The following CNTN5 variants were observed in gnomAD, a reference collection of about 807,000 sequenced individuals.
CNTN5 encodes the protein contactin 5.
In CNTN5, 77 loss-of-function variants were observed where a neutral mutation model predicts 129.1. The ratio of observed to expected loss-of-function variants is 0.60; its 90% CI spans 0.50 to 0.72. The LOEUF is 0.72. CNTN5 is among the 30% of genes least tolerant of loss of function. The pLI is 0.00. For missense variants in CNTN5, 1,478 were observed against 1,328.8 expected (o/e 1.11, Z -1.75); for synonymous variants, 509 against 465.6 (o/e 1.09, Z -1.20).
chr11:99,302,138 CAAAT>C (rs977076897), intron 1 of CNTN5, among the ~76,000 whole-genome samples: 13 of 151,020 alleles, frequency 8.6e-5, no homozygotes, highest in African/African-American at 2.9e-4. Flanking sequence ...TGAAAGATCT[CAAAT>C]AAATAATCTT....
chr11:99,349,399 T>C (rs977452447), intron 2 of CNTN5, among the ~76,000 whole-genome samples: 1 of 152,206 alleles, frequency 6.6e-6, no homozygotes, highest in African/African-American at 2.4e-5. Context: ...AGTGAACTGC[T>C]GTTCAGCTCC....
At chr11:100,276,445 A>G (rs2022985) in intron 18 of CNTN5, among the ~76,000 whole-genome samples, 118,283 of 149,692 alleles carry the variant, frequency 0.79, 47,750 homozygotes, top group East Asian at 0.95. Flanking sequence ...TGACTGAGGC[A>G]TGAGAACCCG....
intron 2 of CNTN5, among the ~76,000 whole-genome samples, chr11:99,495,124 C>T (rs1328123261): frequency 6.6e-6 from 1 of 152,256 alleles, no homozygotes; most frequent in African/African-American, 2.4e-5. Flanking sequence ...AATCCCAGTA[C>T]TTTGGGAGGC....
intron 2 of CNTN5, among the ~76,000 whole-genome samples, chr11:99,333,727 C>T (rs1467380132): frequency 6.6e-6 from 1 of 151,838 alleles, no homozygotes; most frequent in Non-Finnish European, 1.5e-5. Context: ...TCTAAGATTT[C>T]AATGATGCAT....
chr11:99,717,853 C>T (rs990318387), intron 3 of CNTN5, among the ~76,000 whole-genome samples: 14 of 152,032 alleles, frequency 9.2e-5, no homozygotes, highest in African/African-American at 3.4e-4. Flanking sequence ...GAATGATACA[C>T]AATTAAAACC....
intron 1 of CNTN5, among the ~76,000 whole-genome samples, chr11:99,177,650 G>A (rs1361312627): frequency 6.6e-6 from 1 of 152,134 alleles, no homozygotes; most frequent in Non-Finnish European, 1.5e-5. Context: ...GAGGAGCTCT[G>A]GTAAGTACAT....
intron 3 of CNTN5, among the ~76,000 whole-genome samples, chr11:99,595,748 C>T (rs993104341): frequency 1.6e-4 from 19 of 116,090 alleles, no homozygotes; most frequent in African/African-American, 6.5e-4. Flanking sequence ...TCACTGAATT[C>T]CTCCTTCTGC....
At chr11:99,040,942 T>C (rs2135136154) in intron 1 of CNTN5, among the ~76,000 whole-genome samples, 1 of 152,256 alleles carries the variant, frequency 6.6e-6, no homozygotes, top group South Asian at 2.1e-4. Flanking sequence ...CAAAGTGTAA[T>C]TAATGCCATT....
At chr11:99,279,315 T>C (rs552580085) in intron 1 of CNTN5, among the ~76,000 whole-genome samples, 1 of 151,968 alleles carries the variant, frequency 6.6e-6, no homozygotes, top group African/African-American at 2.4e-5. Flanking sequence ...CTAAGACACT[T>C]TCTTTTCATT....
intron 3 of CNTN5, among the ~76,000 whole-genome samples, chr11:99,706,102 A>T (rs569923216): frequency 6.6e-6 from 1 of 151,428 alleles, no homozygotes; most frequent in Non-Finnish European, 1.5e-5. Context: ...TGATAATAGC[A>T]AAGTTTATTT....
chr11:99,170,482 A>C (rs1435061694), intron 1 of CNTN5, among the ~76,000 whole-genome samples: 1 of 152,146 alleles, frequency 6.6e-6, no homozygotes, highest in African/African-American at 2.4e-5. Flanking sequence ...TAAATAAGTA[A>C]ATTGCATTAA....
At chr11:99,360,012 C>G (rs894021176) in intron 2 of CNTN5, among the ~76,000 whole-genome samples, 1 of 151,942 alleles carries the variant, frequency 6.6e-6, no homozygotes, top group African/African-American at 2.4e-5. Context: ...ATCTCATATA[C>G]CCCATAAATA....
At chr11:99,550,054 A>C (rs1948432263) in intron 2 of CNTN5, among the ~76,000 whole-genome samples, 1 of 152,164 alleles carries the variant, frequency 6.6e-6, no homozygotes, top group Non-Finnish European at 1.5e-5. Flanking sequence ...TATATTTAAA[A>C]GAGTAAGAAA....
intron 2 of CNTN5, among the ~76,000 whole-genome samples, chr11:99,383,645 G>A (rs1251168879): frequency 1.3e-5 from 2 of 151,000 alleles, no homozygotes; most frequent in Non-Finnish European, 3.0e-5. Flanking sequence ...TAGAAATTAT[G>A]TTTGTATTCT....
chr11:99,715,650 T>G (rs572184194), intron 3 of CNTN5, among the ~76,000 whole-genome samples: 1 of 152,028 alleles, frequency 6.6e-6, no homozygotes, highest in African/African-American at 2.4e-5. Flanking sequence ...CAGGAATTTT[T>G]TATTTATCAT....
In CNTN5 at chr11:99,456,126, T is replaced by G. The variant is rs547568112; in HGVS notation, c.-70-100019T>G. Among the ~76,000 whole-genome samples, 9 of 152,284 alleles carry G rather than the reference T, an allele frequency of 5.9e-5. No individual in the cohort carries two copies. In the South Asian group the frequency reaches 1.9e-3, roughly 32 times the overall value. On this transcript the variant is annotated intron_variant, in intron 2 of 24. Coordinates refer to ENST00000524871, the MANE Select transcript of CNTN5 (RefSeq NM_014361.4). ...TCAACCTCTTTTCATTCGGATCGATTTTTAAACTCTTTTTTATTTCAAAAC... is the reference window on the plus strand; with the variant it reads ...TCAACCTCTTTTCATTCGGATCGATGTTTAAACTCTTTTTTATTTCAAAAC...
At chr11:99,799,296 T>C (rs1946042865) in intron 3 of CNTN5, among the ~76,000 whole-genome samples, 1 of 151,240 alleles carries the variant, frequency 6.6e-6, no homozygotes, top group African/African-American at 2.4e-5. Context: ...TAAATAGGAG[T>C]GGTGAGAATG....
rs551444053 is a variant in CNTN5, at chr11:99,471,159, A to AC, written c.-70-84986_-70-84985insC. ...TTAAAGTAATGTTGCTAAAAAAAAAAACAAATTTTCTAATAAACATTTTCC... is the reference window on the plus strand; with the variant it reads ...TTAAAGTAATGTTGCTAAAAAAAAAACACAAATTTTCTAATAAACATTTTCC... On this transcript the variant is annotated intron_variant, in intron 2 of 24. Transcript: ENST00000524871. 2.2e-3 allele frequency among the ~76,000 whole-genome samples: 335 copies of AC among 151,978 alleles called. 1 individual carries two copies. Among genetic ancestry groups the AC allele is most frequent in the Non-Finnish European group, 4.2e-3 (286 of 67,934 alleles).
chr11:100,337,579 A>G, intron 21 of CNTN5: 6 of 740,154 alleles, frequency 8.1e-6, no homozygotes, highest in South Asian at 4.0e-5. Flanking sequence ...GGGCACGTCT[A>G]TTCTACTGTG....
Sources: gnomAD v4.1 joint callset for allele counts (sites outside exome capture counted in the v4.1 genomes callset) on GRCh38, gnomAD v4.1.1 for gene constraint, MANE v1.5 for transcripts, NCBI Gene and HGNC (gene_info 2026-07-23, HGNC 2026-07-21) for gene names.